NDUFC1: variants seen among roughly 807,000 people sequenced by gnomAD.
NDUFC1 encodes the protein NADH dehydrogenase [ubiquinone] 1 subunit C1, mitochondrial.
Under a neutral mutation model 11.6 loss-of-function variants are expected in NDUFC1, and 11 were observed. That is an observed-to-expected ratio of 0.95 (90% confidence interval 0.60 to 1.58). The LOEUF (loss-of-function observed/expected upper bound fraction) is 1.58. Ranked by LOEUF, NDUFC1 falls within the 40% of genes most tolerant of loss-of-function variation. NDUFC1 has a pLI of 0.00. For synonymous variants in NDUFC1, 52 were observed against 42.2 expected (o/e 1.23, Z -0.90); for missense variants, 112 against 93.0 (o/e 1.20, Z -0.84).
intron 1 of NDUFC1, among the ~76,000 whole-genome samples, chr4:139,297,914 T>A (rs2110780175): frequency 6.6e-6 from 1 of 152,154 alleles, no homozygotes; most frequent in African/African-American, 2.4e-5. Flanking sequence ...AATGATTTTT[T>A]AAAAAATTAG....
chr4:139,301,629 T>G, intron 1 of NDUFC1: 1 of 796,350 alleles, frequency 1.3e-6, no homozygotes, highest in Non-Finnish European at 2.0e-6. Context: ...GGTGTCCGGG[T>G]AGGGCAACGC....
intron 1 of NDUFC1, chr4:139,301,514 T>G (rs571780756): frequency 6.4e-6 from 3 of 469,140 alleles, no homozygotes; most frequent in Non-Finnish European, 1.1e-5. Context: ...TGGCTGCCTC[T>G]GTCGGTCTGT....
chr4:139,293,938 T>A lies in NDUFC1; in HGVS notation c.171+1105A>T, dbSNP rs1302623491. Reference sequence around the variant, plus strand: ...TAAAGCATGTGGTGTGAATTTTTTTTTTTTTTTTTTTTTTTTTTTTTGAGA... The same window carrying A: ...TAAAGCATGTGGTGTGAATTTTTTTATTTTTTTTTTTTTTTTTTTTTGAGA... On this transcript the variant is annotated intron_variant, in intron 4 of 5. Coordinates refer to ENST00000394223, the MANE Select transcript of NDUFC1 (RefSeq NM_001184989.2). Among the ~76,000 whole-genome samples the A allele has an allele frequency of 3.0e-5, 4 of 135,212 alleles. No individual in the cohort carries two copies. The East Asian group carries it at 6.3e-4, about 21-fold the overall frequency. The allele number at this position is 135,212 out of a possible 152,430, so 88.7% of individuals were successfully genotyped here.
At chr4:139,295,640 G>C (rs925325754) in intron 3 of NDUFC1, 92 bp downstream of exon 3, 3 of 1,397,850 alleles carry the variant, frequency 2.1e-6, no homozygotes, top group South Asian at 1.4e-5. Flanking sequence ...GGACGAACCC[G>C]GGCCGCTGCC....
intron 5 of NDUFC1, 130 bp downstream of exon 5, chr4:139,292,400 C>A: frequency 2.7e-6 from 1 of 368,388 alleles, no homozygotes; most frequent in Non-Finnish European, 4.9e-6. Flanking sequence ...AAATTTGTCA[C>A]AGACAGAAAT....
chr4:139,295,688 G>C (rs758526578), intron 3 of NDUFC1, 44 bp downstream of exon 3: 7 of 1,528,976 alleles, frequency 4.6e-6, no homozygotes, highest in South Asian at 1.2e-5. Context: ...CCTTAGGAGG[G>C]GTAATCTGAG....
At chr4:139,294,610 C>T (rs932287236) in intron 4 of NDUFC1, among the ~76,000 whole-genome samples, 1 of 151,878 alleles carries the variant, frequency 6.6e-6, no homozygotes, top group Admixed American at 6.6e-5. Context: ...TGGCGGGCGC[C>T]TGTAGTCCTA....
At chr4:139,296,475 C>T (rs1407608874) in intron 2 of NDUFC1, 1 of 152,202 alleles carries the variant, frequency 6.6e-6, no homozygotes, top group African/African-American at 2.4e-5. Flanking sequence ...CTCATTAGCC[C>T]ACCTAACAGA....
intron 1 of NDUFC1, among the ~76,000 whole-genome samples, chr4:139,299,631 A>G (rs1322488753): frequency 3.3e-5 from 5 of 152,182 alleles, no homozygotes; most frequent in Admixed American, 6.5e-5. Flanking sequence ...TTTTTATTCA[A>G]TTCAGGCTAC....
intron 5 of NDUFC1, among the ~76,000 whole-genome samples, chr4:139,291,331 C>T (rs1204510051): frequency 2.0e-5 from 3 of 151,896 alleles, no homozygotes; most frequent in African/African-American, 7.2e-5. Flanking sequence ...AATCCCAGCA[C>T]TTTGGGAGGC....
In NDUFC1 at chr4:139,295,937, A is replaced by G; in HGVS notation, c.-139T>C. On this transcript the variant is annotated 5_prime_UTR_variant, in exon 3 of 6. Transcript: ENST00000394223. ...GAATTCCAGCACGGCAAGGTTCTCT[A>G]GCACCCCGGCCTCAGCCTTCTGTCT... 1.3e-6 allele frequency: 1 copy of G among 789,036 alleles called. No individual in the cohort carries two copies. 48.9% of individuals were successfully genotyped at this position (789,036 alleles called of 1,614,324 possible).
intron 1 of NDUFC1, chr4:139,301,194 C>T: frequency 4.4e-6 from 1 of 225,540 alleles, no homozygotes; most frequent in Non-Finnish European, 8.6e-6. Context: ...GATGATCACA[C>T]AGTGTGCGAG....
chr4:139,294,362 C>G (rs1444791680), intron 4 of NDUFC1, among the ~76,000 whole-genome samples: 1 of 152,184 alleles, frequency 6.6e-6, no homozygotes, highest in Non-Finnish European at 1.5e-5. Context: ...AACTTGCACA[C>G]TGCTGGTTTG....
In NDUFC1 at chr4:139,302,004, C is replaced by G. The variant is rs566338695; in HGVS notation, c.-222+412G>C. ...TCCCTCTCTGTGGTTCCTACTATGG[C>G]CCGCGCGCCAGGGACCACAGGCTTC... On this transcript the variant is annotated intron_variant, in intron 1 of 5. Transcript: ENST00000394223. The G allele has an allele frequency of 6.0e-5, 38 of 631,810 alleles. No individual in the cohort carries two copies. The South Asian group carries it at 1.0e-3, about 17-fold the overall frequency. 39.1% of individuals were successfully genotyped at this position (631,810 alleles called of 1,614,324 possible).
At chr4:139,295,602 G>T in intron 3 of NDUFC1, 130 bp downstream of exon 3, 1 of 980,962 alleles carries the variant, frequency 1.0e-6, no homozygotes, top group Non-Finnish European at 1.5e-6. Flanking sequence ...GCTGGGCCTT[G>T]GGTCGTCTGC....
intron 5 of NDUFC1, among the ~76,000 whole-genome samples, chr4:139,290,678 T>G (rs556728830): frequency 6.6e-6 from 1 of 152,062 alleles, no homozygotes; most frequent in South Asian, 2.1e-4. Context: ...ATAAAAGGAT[T>G]AATATAGGAT....
rs755131947 is a variant in NDUFC1, at chr4:139,295,768, A to T, written c.31T>A (p.Ser11Thr). Residue 11 changes from serine (S) to threonine (T), a missense_variant, in exon 3 of 6, where the codon TCC (serine) becomes ACC (threonine). By Grantham distance (58) the Ser-to-Thr change is moderately conservative. Transcript: ENST00000394223. ...AGCCTGGCGGGGGCCAGCAGCCGGG[A>T]AAGGGGACGCAGCAAGGCGGACGGC... MAPSALLRPL[S>T]RLLAPARLPS... The T allele has an allele frequency of 1.3e-5, 20 of 1,552,214 alleles. No individual in the cohort carries two copies. Among genetic ancestry groups the T allele is most frequent in the Non-Finnish European group, 1.7e-5 (20 of 1,150,078 alleles).
chr4:139,291,339 G>T (rs1231807985), intron 5 of NDUFC1, among the ~76,000 whole-genome samples: 1 of 151,892 alleles, frequency 6.6e-6, no homozygotes, highest in Non-Finnish European at 1.5e-5. Flanking sequence ...CACTTTGGGA[G>T]GCCGAGGCGG....
rs114560298 is a variant in NDUFC1, at chr4:139,290,587, G to A, written c.*21-495C>T. Among the ~76,000 whole-genome samples, 580 of 151,926 alleles carry A rather than the reference G, an allele frequency of 3.8e-3. 3 individuals carry two copies. Among genetic ancestry groups the A allele is most frequent in the African/African-American group, 0.013 (535 of 41,470 alleles). Reference sequence around the variant, plus strand: ...TGGAAAAAAAGGATAGTCTGTGATCGCTATGTTTATTATACAGCAGATATA... The same window carrying A: ...TGGAAAAAAAGGATAGTCTGTGATCACTATGTTTATTATACAGCAGATATA... On this transcript the variant is annotated intron_variant, in intron 5 of 5. Transcript: ENST00000394223.
Sources: allele counts gnomAD v4.1 joint callset (sites outside exome capture counted in the v4.1 genomes callset), GRCh38; gene constraint gnomAD v4.1.1; transcripts MANE v1.5; gene names NCBI Gene and HGNC (gene_info 2026-07-23, HGNC 2026-07-21).